Variants in GPR55 observed in about 807,000 individuals in gnomAD.
GPR55 encodes G-protein coupled receptor 55.
GPR55 carries 6 observed loss-of-function variants against 7.9 expected under a neutral mutation model. The observed-to-expected ratio is 0.76, with a 90% CI of 0.41 to 1.49. The LOEUF is 1.49. GPR55 is among the 40% of genes most tolerant of loss of function. The pLI is 0.01. For missense variants in GPR55, 376 were observed against 406.0 expected (o/e 0.93, Z 0.63); for synonymous variants, 183 against 166.8 (o/e 1.10, Z -0.75).
rs1220943120 is a variant in GPR55 at position 230,907,761 on chromosome 2, G to C, written c.*2242C>G. 6.6e-6 allele frequency: 1 copy of C among 152,300 alleles called. No homozygotes were observed. Among genetic ancestry groups the C allele is most frequent in the Non-Finnish European group, 1.5e-5 (1 of 68,082 alleles). 9.4% of individuals were successfully genotyped at this position (152,300 alleles called of 1,614,324 possible). A position where few individuals can be genotyped will look rare whatever the true frequency, so the allele number is the denominator to read the frequency against. On this transcript the variant is annotated 3_prime_UTR_variant, in exon 2 of 2. Transcript: ENST00000650999. Reference sequence around the variant, plus strand: ...TAGAGCCCTTTCTGTCACCTGGAGAGAGTCATGCTGCACATAGATAAGATT... The same window carrying C: ...TAGAGCCCTTTCTGTCACCTGGAGACAGTCATGCTGCACATAGATAAGATT...
Position 230,910,347 on chromosome 2 carries a change from G to A in GPR55, c.616C>T (p.His206Tyr), listed in dbSNP as rs757376726. 1.4e-5 allele frequency: 22 copies of A among 1,613,434 alleles called. No individual in the cohort carries two copies. In the South Asian group the frequency reaches 2.3e-4, roughly 17 times the overall value. The change falls in exon 2 of 2, where the codon CAC becomes TAC. Residue 206 changes from histidine to tyrosine, a missense_variant. His to Tyr is a moderately conservative substitution (Grantham distance 83, BLOSUM62 2). Coordinates refer to ENST00000650999, the MANE Select transcript of GPR55 (RefSeq NM_005683.4). This position sits in a 1 kb window ranked among gnomAD's most constrained non-coding sequence, Gnocchi z 5.4. Reference sequence around the variant, plus strand: ...TGGTCTCGGCGGCCCAGCAGGATGTGGATGCTCCTGGAGCAGCAGAAGCCC... The same window carrying A: ...TGGTCTCGGCGGCCCAGCAGGATGTAGATGCTCCTGGAGCAGCAGAAGCCC... ...IMGFCCSRSI[H>Y]ILLGRRDHTQ...
chr2:230,926,138 T>C (rs376822804), upstream of GPR55, among the ~76,000 whole-genome samples: 1 of 152,194 alleles, frequency 6.6e-6, no homozygotes, highest in African/African-American at 2.4e-5. Context: ...TAGAAACTAC[T>C]CCTGGGTTTT....
chr2:230,914,073 GA>G (rs1690656134), intron 1 of GPR55, among the ~76,000 whole-genome samples: 1 of 152,228 alleles, frequency 6.6e-6, no homozygotes, highest in Non-Finnish European at 1.5e-5. Flanking sequence ...CTGCATGGAT[GA>G]ATCCACCGTA....
chr2:230,911,513 G>A (rs935383501), intron 1 of GPR55, among the ~76,000 whole-genome samples: 2 of 152,164 alleles, frequency 1.3e-5, no homozygotes, highest in Non-Finnish European at 2.9e-5. Flanking sequence ...ACACCAGAGC[G>A]TTGCATTCCC....
intron 1 of GPR55, among the ~76,000 whole-genome samples, chr2:230,949,345 G>C (rs922573612): frequency 6.6e-6 from 1 of 152,188 alleles, no homozygotes; most frequent in African/African-American, 2.4e-5. Flanking sequence ...TGTATTTTTA[G>C]TAGAGACGGG....
chr2:230,941,284 G>A (rs920103940), intron 1 of GPR55, among the ~76,000 whole-genome samples: 2 of 152,092 alleles, frequency 1.3e-5, no homozygotes, highest in South Asian at 2.1e-4. Flanking sequence ...GGTGGCCAGC[G>A]CAGCTGCCCT....
chr2:230,909,973 C>T lies in GPR55; in HGVS notation c.*30G>A. 1 of 1,589,122 alleles carries T rather than the reference C, an allele frequency of 6.3e-7. No individual in the cohort carries two copies. Among genetic ancestry groups the T allele is most frequent in the Non-Finnish European group, 8.6e-7 (1 of 1,166,698 alleles). Reference sequence around the variant, plus strand: ...CCGTTACCAGAATTCAGGGCCAGGGCTTTCTTCCCCTGAACAGGATGTCCT... The same window carrying T: ...CCGTTACCAGAATTCAGGGCCAGGGTTTTCTTCCCCTGAACAGGATGTCCT... On this transcript the variant is annotated 3_prime_UTR_variant, in exon 2 of 2. Coordinates refer to ENST00000650999, the MANE Select transcript of GPR55 (RefSeq NM_005683.4).
At position 230,920,975 on chromosome 2, in the gene GPR55, A is replaced by G. The variant is rs371344029; in HGVS notation, c.-135+4193T>C. ...AAACACTAAGAAAATGAAAAGACACAGAGTAAAATGATAGCATAATCTTTG... is the reference window on the plus strand; with the variant it reads ...AAACACTAAGAAAATGAAAAGACACGGAGTAAAATGATAGCATAATCTTTG... On this transcript the variant is annotated intron_variant, in intron 1 of 1. Transcript: ENST00000650999. 5.3e-5 allele frequency among the ~76,000 whole-genome samples: 8 copies of G among 152,356 alleles called. No homozygotes were observed. In the East Asian group the frequency reaches 1.5e-3, roughly 29 times the overall value.
chr2:230,935,566 AAC>A (rs375065622), intron 1 of GPR55, among the ~76,000 whole-genome samples: 1 of 152,056 alleles, frequency 6.6e-6, no homozygotes, highest in African/African-American at 2.4e-5. Flanking sequence ...TCCAGATGTC[AAC>A]ACACACACAC....
In GPR55 at chr2:230,923,110, T is replaced by A. The variant is rs1690876366; in HGVS notation, c.-135+2058A>T. On this transcript the variant is annotated intron_variant, in intron 1 of 1. Coordinates refer to ENST00000650999, the MANE Select transcript of GPR55 (RefSeq NM_005683.4). This position sits in a 1 kb window ranked among gnomAD's most constrained non-coding sequence, Gnocchi z 4.1. ...CGCCCACACCCTCAAGGATCCAGTGTCCCACTTGCGGCAGCCCTGTGGCTT... is the reference window on the plus strand; with the variant it reads ...CGCCCACACCCTCAAGGATCCAGTGACCCACTTGCGGCAGCCCTGTGGCTT... 6.6e-6 allele frequency among the ~76,000 whole-genome samples: 1 copy of A among 152,228 alleles called. No homozygotes were observed. Among genetic ancestry groups the A allele is most frequent in the Non-Finnish European group, 1.5e-5 (1 of 68,040 alleles).
At chr2:230,951,563 G>A (rs1008875249) in intron 1 of GPR55, among the ~76,000 whole-genome samples, 7 of 152,124 alleles carry the variant, frequency 4.6e-5, no homozygotes, top group African/African-American at 1.4e-4. Flanking sequence ...AGGCAACTTG[G>A]CAACACATAC....
Position 230,910,776 on chromosome 2 carries a change from T to C in GPR55, c.187A>G (p.Met63Val), listed in dbSNP as rs1690575695. ...WPDYAATSIY[M>V]INLAVFDLLL... is the part of the protein sequence containing the mutation. ...AGGTCAAAGACTGCCAGGTTGATCA[T>C]GTAGATGGAGGTGGCAGCATAATCG... The change falls in exon 2 of 2, where the codon ATG becomes GTG. Residue 63 changes from methionine (M) to valine (V), a missense_variant. Coordinates refer to ENST00000650999, the MANE Select transcript of GPR55 (RefSeq NM_005683.4). This position sits in a 1 kb window ranked among gnomAD's most constrained non-coding sequence, Gnocchi z 5.4. 2 of 1,613,858 alleles carry C rather than the reference T, an allele frequency of 1.2e-6. No homozygotes were observed. The highest frequency in any genetic ancestry group is 1.7e-5 in the Admixed American group (1 of 60,008).
rs773776486 is a variant in GPR55 at position 230,910,318 on chromosome 2, G to C, written c.645C>G (p.Thr215=). The part of the protein sequence containing the change: ...IHILLGRRDH[T]QDWVQQKACI... The stretch of plus-strand genomic sequence containing the variant: ...AGGCTTTCTGCTGCACCCAGTCCTG[G>C]GTGTGGTCTCGGCGGCCCAGCAGGA... Residue 215 remains threonine (T), a synonymous_variant, in exon 2 of 2, where the codon ACC becomes ACG. Coordinates refer to ENST00000650999, the MANE Select transcript of GPR55 (RefSeq NM_005683.4). The surrounding 1 kb of genome is among the most constrained non-coding windows in gnomAD (Gnocchi z 5.4). 2 of 1,614,032 alleles carry C rather than the reference G, an allele frequency of 1.2e-6. No individual in the cohort carries two copies. Among genetic ancestry groups the C allele is most frequent in the Non-Finnish European group, 8.5e-7 (1 of 1,179,966 alleles).
Position 230,910,432 on chromosome 2 carries a change from C to T in GPR55, c.531G>A (p.Trp177Ter). 6.2e-7 allele frequency: 1 copy of T among 1,613,794 alleles called. No individual in the cohort carries two copies. The highest frequency in any genetic ancestry group is 8.5e-7 in the Non-Finnish European group (1 of 1,179,688). ...CCAGCGGGAAGAAGACCTTGGCGCTCCAGGTATCATCAGACATGTTGTGGA... is the reference window on the plus strand; with the variant it reads ...CCAGCGGGAAGAAGACCTTGGCGCTTCAGGTATCATCAGACATGTTGTGGA... The part of the protein sequence containing the change: ...MCFHNMSDDT[W>*]SAKVFFPLEV... Residue 177 changes from tryptophan to a stop codon, truncating the protein, a stop_gained, in exon 2 of 2, where the codon TGG becomes TGA. Transcript: ENST00000650999. LOFTEE classifies it high-confidence loss of function. The surrounding 1 kb of genome is among the most constrained non-coding windows in gnomAD (Gnocchi z 5.4).
chr2:230,932,872 C>T (rs1202286256), intron 1 of GPR55, among the ~76,000 whole-genome samples: 1 of 152,024 alleles, frequency 6.6e-6, no homozygotes, highest in Non-Finnish European at 1.5e-5. Context: ...CTGCTGCTCT[C>T]TCTCTCTCTC....
At chr2:230,950,118 C>T (rs1310178983) in intron 1 of GPR55, among the ~76,000 whole-genome samples, 1 of 152,268 alleles carries the variant, frequency 6.6e-6, no homozygotes, top group Non-Finnish European at 1.5e-5. Flanking sequence ...TGAGCCATCA[C>T]GCCCAGCCAG....
Position 230,910,615 on chromosome 2 carries a change from G to C in GPR55, c.348C>G (p.Ser116Arg), listed in dbSNP as rs773456689. Residue 116 changes from serine to arginine, a missense_variant, in exon 2 of 2, where the codon AGC (serine) becomes AGG (arginine). Ser to Arg is a moderately radical substitution (Grantham distance 110). Transcript: ENST00000650999. This position sits in a 1 kb window ranked among gnomAD's most constrained non-coding sequence, Gnocchi z 5.4. ...AACGGATGGCCAAGAACCGGTCCAT[G>C]CTGATGAAGCAGATGGTGAAGACGC... ...YGSVFTICFI[S>R]MDRFLAIRYP... The C allele has an allele frequency of 6.2e-7, 1 of 1,613,948 alleles. No homozygotes were observed. Among genetic ancestry groups the C allele is most frequent in the South Asian group, 1.1e-5 (1 of 91,066 alleles).
At position 230,923,966 on chromosome 2, in the gene GPR55, C is replaced by T. The variant is rs1339548201; in HGVS notation, c.-135+1202G>A. On this transcript the variant is annotated intron_variant, in intron 1 of 1. Coordinates refer to ENST00000650999, the MANE Select transcript of GPR55 (RefSeq NM_005683.4). The surrounding 1 kb of genome is among the most constrained non-coding windows in gnomAD (Gnocchi z 4.1). ...GACTCTCTCCTCCACTGCTAAAAAT[C>T]CCACCTCTTCCTTGAAATGCCCACT... Among the ~76,000 whole-genome samples the T allele has an allele frequency of 6.6e-6, 1 of 151,962 alleles. No individual in the cohort carries two copies. Among genetic ancestry groups the T allele is most frequent in the African/African-American group, 2.4e-5 (1 of 41,328 alleles).
upstream of GPR55, among the ~76,000 whole-genome samples, chr2:230,925,750 G>T (rs561138773): frequency 4.6e-5 from 7 of 152,308 alleles, no homozygotes; most frequent in South Asian, 1.2e-3. Flanking sequence ...CGTCGGAGGA[G>T]ACCTCAGCCA....
Sources: gnomAD v4.1 joint callset for allele counts (sites outside exome capture counted in the v4.1 genomes callset) on GRCh38, gnomAD v4.1.1 for gene constraint, Gnocchi (gnomAD v3.1) non-coding constraint, MANE v1.5 for transcripts, NCBI Gene and HGNC (gene_info 2026-07-23, HGNC 2026-07-21) for gene names.